EPB41L2: variants seen among roughly 807,000 people sequenced by gnomAD.
EPB41L2 encodes erythrocyte membrane protein band 4.1 like 2.
A neutral mutation model predicts 113.0 loss-of-function variants in EPB41L2; 43 were observed. That is an observed-to-expected ratio of 0.38 (90% CI 0.30 to 0.49). The LOEUF is 0.49. Among genes scored for constraint, EPB41L2 ranks in the 20% least tolerant of loss-of-function variants. EPB41L2 has a pLI of 0.95. For synonymous variants in EPB41L2, 442 were observed against 436.7 expected (o/e 1.01, Z -0.15); for missense variants, 1,147 against 1,223.4 (o/e 0.94, Z 0.93).
chr6:130,882,322 G>C (rs1367692410), intron 12 of EPB41L2: 2 of 152,218 alleles, frequency 1.3e-5, no homozygotes, highest in Non-Finnish European at 2.9e-5. Context: ...ACTGGTCAAT[G>C]GTATCAATGA....
intron 1 of EPB41L2, among the ~76,000 whole-genome samples, chr6:131,041,061 C>T (rs921102618): frequency 3.3e-5 from 5 of 152,160 alleles, no homozygotes; most frequent in Admixed American, 3.3e-4. Context: ...AAATGCAATC[C>T]TTGGCAGGAT....
intron 8 of EPB41L2, among the ~76,000 whole-genome samples, chr6:130,895,428 G>A (rs545230308): frequency 2.6e-4 from 39 of 152,294 alleles, no homozygotes; most frequent in African/African-American, 8.9e-4. Flanking sequence ...AGAGAAGAAA[G>A]GAAGCAGAAC....
At chr6:131,043,188 C>A (rs1174053800) in intron 1 of EPB41L2, among the ~76,000 whole-genome samples, 1 of 152,026 alleles carries the variant, frequency 6.6e-6, no homozygotes, top group East Asian at 1.9e-4. Flanking sequence ...GTAATTCCAG[C>A]TACTTAGGAG....
At chr6:130,908,921 G>C (rs1325413207) in intron 4 of EPB41L2, 58 bp from the exon 5 acceptor site, 32 of 1,316,954 alleles carry the variant, frequency 2.4e-5, no homozygotes, top group Non-Finnish European at 3.2e-5. Context: ...AAATAGAACA[G>C]TTTACAGTTC....
At chr6:130,982,313 C>T (rs1779550844) in intron 1 of EPB41L2, among the ~76,000 whole-genome samples, 1 of 152,014 alleles carries the variant, frequency 6.6e-6, no homozygotes, top group African/African-American at 2.4e-5. Flanking sequence ...TTATGGCTTC[C>T]AACAACAACT....
At chr6:130,962,091 C>T (rs62423583) in intron 1 of EPB41L2, among the ~76,000 whole-genome samples, 22,317 of 152,066 alleles carry the variant, frequency 0.15, 2,295 homozygotes, top group East Asian at 0.45. Flanking sequence ...CCCGAAGGGC[C>T]TATAGCTATT....
At chr6:130,894,937 C>T in intron 9 of EPB41L2, 30 bp downstream of exon 9, 1 of 1,597,704 alleles carries the variant, frequency 6.3e-7, no homozygotes, top group South Asian at 1.1e-5. Context: ...GGCCGACTAA[C>T]AACAACTGAT....
At chr6:131,013,005 C>T (rs1787382093) in intron 1 of EPB41L2, among the ~76,000 whole-genome samples, 1 of 152,116 alleles carries the variant, frequency 6.6e-6, no homozygotes, top group Admixed American at 6.5e-5. Flanking sequence ...ATCCCGGTTC[C>T]AACTATCTTC....
chr6:130,842,296 GAA>G (rs5880038), intron 19 of EPB41L2, among the ~76,000 whole-genome samples: 3 of 151,602 alleles, frequency 2.0e-5, no homozygotes, highest in South Asian at 2.1e-4. Context: ...TAGGCTGGGG[GAA>G]AAAAAAATCA....
At chr6:130,883,912 C>T (rs1012344873) in intron 12 of EPB41L2, among the ~76,000 whole-genome samples, 2 of 152,072 alleles carry the variant, frequency 1.3e-5, no homozygotes, top group African/African-American at 2.4e-5. Flanking sequence ...TGTGGTGGTC[C>T]CTGAGACCTT....
chr6:131,031,503 G>A (rs1792151356), intron 1 of EPB41L2, among the ~76,000 whole-genome samples: 1 of 151,956 alleles, frequency 6.6e-6, no homozygotes, highest in South Asian at 2.1e-4. Flanking sequence ...TTATTTAACT[G>A]GAAATTTTAC....
chr6:130,975,494 T>C (rs1016883001), intron 1 of EPB41L2, among the ~76,000 whole-genome samples: 1 of 152,172 alleles, frequency 6.6e-6, no homozygotes, highest in African/African-American at 2.4e-5. Context: ...AATAATCTGA[T>C]GAGTCACTCA....
At chr6:130,968,506 A>T (rs1775916600) in intron 1 of EPB41L2, among the ~76,000 whole-genome samples, 1 of 152,238 alleles carries the variant, frequency 6.6e-6, no homozygotes, top group Non-Finnish European at 1.5e-5. Context: ...ACCAATACAT[A>T]GCATATATTC....
chr6:131,006,544 C>T (rs1421870142), intron 1 of EPB41L2, among the ~76,000 whole-genome samples: 1 of 151,392 alleles, frequency 6.6e-6, no homozygotes, highest in Non-Finnish European at 1.5e-5. Context: ...GTGGTGCGCG[C>T]CTGTATTTCC....
chr6:130,943,662 C>T (rs1811668107), intron 3 of EPB41L2, among the ~76,000 whole-genome samples: 1 of 152,120 alleles, frequency 6.6e-6, no homozygotes, highest in South Asian at 2.1e-4. Flanking sequence ...ACAAAGTAAT[C>T]CCCTGGTTTT....
chr6:130,901,745 C>G (rs1796361175), intron 6 of EPB41L2, among the ~76,000 whole-genome samples: 1 of 152,168 alleles, frequency 6.6e-6, no homozygotes, highest in Admixed American at 6.5e-5. Flanking sequence ...CCAGGAAGAC[C>G]TGACTCTATA....
intron 11 of EPB41L2, among the ~76,000 whole-genome samples, chr6:130,885,983 G>A (rs1199618198): frequency 6.6e-6 from 1 of 152,108 alleles, no homozygotes; most frequent in East Asian, 1.9e-4. Flanking sequence ...TTCTGTCATA[G>A]TGCAGATCAA....
chr6:130,852,207 T>C (rs1163058400), intron 19 of EPB41L2, among the ~76,000 whole-genome samples: 1 of 152,174 alleles, frequency 6.6e-6, no homozygotes, highest in Non-Finnish European at 1.5e-5. Flanking sequence ...AGTTTACAGA[T>C]GACAGCTCTG....
intron 1 of EPB41L2, among the ~76,000 whole-genome samples, chr6:131,052,096 C>G (rs1476284966): frequency 6.6e-6 from 1 of 152,042 alleles, no homozygotes; most frequent in African/African-American, 2.4e-5. Flanking sequence ...ACCACCACAC[C>G]CAGCTGATTT....
Sources: gnomAD v4.1 joint callset for allele counts (sites outside exome capture counted in the v4.1 genomes callset) on GRCh38, gnomAD v4.1.1 for gene constraint, MANE v1.5 for transcripts, NCBI Gene and HGNC (gene_info 2026-07-23, HGNC 2026-07-21) for gene names.